The following COPZ2 variants were observed in gnomAD, a reference collection of about 807,000 sequenced individuals.
COPZ2 encodes the protein coat protein complex I subunit zeta 2.
In COPZ2, 30 loss-of-function variants were observed where a neutral mutation model predicts 33.2. The ratio of observed to expected loss-of-function variants is 0.90; its 90% confidence interval spans 0.68 to 1.23. The LOEUF (loss-of-function observed/expected upper bound fraction) is 1.23, where lower values mean the gene tolerates loss of function less well. Ranked by LOEUF, COPZ2 falls within the 50% of genes most tolerant of loss-of-function variation. COPZ2 has a pLI of 0.00. For missense variants in COPZ2, 263 were observed against 262.4 expected, an observed-to-expected ratio of 1.00 and a Z score of -0.02; for synonymous variants, 89 against 102.6, an observed-to-expected ratio of 0.87 and a Z score of 0.80.
In COPZ2 at chr17:48,029,172, T is replaced by A; in HGVS notation, c.499A>T (p.Ile167Phe). Residue 167 changes from isoleucine to phenylalanine, a missense_variant, in exon 7 of 9, where the codon ATT (isoleucine) becomes TTT (phenylalanine). Coordinates refer to ENST00000621465, the MANE Select transcript of COPZ2 (RefSeq NM_016429.4). ...ACTTGCTGGGGGTCACTCTCCAGAA[T>A]CACACTACAAGATGAGAGGAAAAAC... Reference protein sequence around the residue: ...VLDEIVDGGVILESDPQQVIQ... With the variant: ...VLDEIVDGGVFLESDPQQVIQ... 6.4e-7 allele frequency: 1 copy of A among 1,574,748 alleles called. No individual in the cohort carries two copies. Among genetic ancestry groups the A allele is most frequent in the Non-Finnish European group, 8.6e-7 (1 of 1,159,962 alleles).
upstream of COPZ2, chr17:48,037,810 C>A (rs1162817331): frequency 2.0e-6 from 2 of 982,638 alleles, no homozygotes. The surrounding 1 kb of genome is among the most constrained non-coding windows in gnomAD (Gnocchi z 5.6). Flanking sequence ...CAGCGCCGCC[C>A]GCCGCCTGCC....
upstream of COPZ2, among the ~76,000 whole-genome samples, chr17:48,041,071 G>T (rs1177014602): frequency 6.8e-6 from 1 of 147,442 alleles, no homozygotes; most frequent in East Asian, 2.0e-4. Context: ...AGAATCATTT[G>T]CACCCAGGAG....
chr17:48,035,630 C>T (rs1447051394), intron 2 of COPZ2, among the ~76,000 whole-genome samples: 1 of 152,070 alleles, frequency 6.6e-6, no homozygotes, highest in African/African-American at 2.4e-5. Flanking sequence ...TGCCATGTTG[C>T]CCAGGCTGGT....
At chr17:48,043,310 T>C in the COPZ2 span, among the ~76,000 whole-genome samples, 1 of 152,222 alleles carries the variant, frequency 6.6e-6, no homozygotes, top group Non-Finnish European at 1.5e-5. Context: ...GGCCTTGGTA[T>C]AGCTTGAAGG....
the COPZ2 span, among the ~76,000 whole-genome samples, chr17:48,044,403 C>CTTTTTTTTTTT: frequency 2.0e-5 from 2 of 101,778 alleles, no homozygotes; most frequent in Non-Finnish European, 3.8e-5. Flanking sequence ...CAATCTTTTG[C>CTTTTTTTTTTT]TTTTTTTTTT....
chr17:48,026,955 G>T (rs1333698725), intron 8 of COPZ2, among the ~76,000 whole-genome samples: 2 of 152,220 alleles, frequency 1.3e-5, no homozygotes, highest in Non-Finnish European at 2.9e-5. Context: ...CCTGCGGTGG[G>T]ATGCCTGGTG....
chr17:48,044,004 T>C, the COPZ2 span, among the ~76,000 whole-genome samples: 3 of 152,216 alleles, frequency 2.0e-5, no homozygotes, highest in South Asian at 4.1e-4. Context: ...GGCATTTTCA[T>C]TGTAGAGGTG....
Position 48,033,297 on chromosome 17 carries a change from T to C in COPZ2, c.274A>G (p.Ile92Val). The change falls in exon 4 of 9, where the codon ATT (isoleucine) becomes GTT (valine). Residue 92 changes from isoleucine to valine, a missense_variant. Coordinates refer to ENST00000621465, the MANE Select transcript of COPZ2 (RefSeq NM_016429.4). ...FNKTSRTESE[I>V]AFFGGMTIVY... ...ATGGTCATACCCCCAAAAAATGCAA[T>C]CTCACCTAGAAGTGGAGGGAGCTTT... 1 of 1,609,530 alleles carries C rather than the reference T, an allele frequency of 6.2e-7. No individual in the cohort carries two copies. Among genetic ancestry groups the C allele is most frequent in the Non-Finnish European group, 8.5e-7 (1 of 1,176,888 alleles).
At chr17:48,040,834 ATAAT>A (rs1244882819), upstream of COPZ2, among the ~76,000 whole-genome samples, 4 of 152,036 alleles carry the variant, frequency 2.6e-5, no homozygotes, top group Admixed American at 6.6e-5. Context: ...TTAACTAATA[ATAAT>A]TAAAATGTAC....
Position 48,037,284 on chromosome 17 carries a change from C to T in COPZ2, c.112-359G>A, listed in dbSNP as rs747474225. 1 of 523,436 alleles carries T rather than the reference C, an allele frequency of 1.9e-6. No individual in the cohort carries two copies. Among genetic ancestry groups the T allele is most frequent in the Non-Finnish European group, 3.7e-6 (1 of 267,656 alleles). 32.4% of individuals were successfully genotyped at this position (523,436 alleles called of 1,614,324 possible). On this transcript the variant is annotated intron_variant, in intron 1 of 8. Transcript: ENST00000621465. The surrounding 1 kb of genome is among the most constrained non-coding windows in gnomAD (Gnocchi z 5.6). ...CTCCTTCTTCCAGCTGATCCCTGGC[C>T]GGGCTGGACCTGCGCTATCAGCGCG...
intron 4 of COPZ2, 43 bp downstream of exon 4, chr17:48,033,168 C>G (rs1382801462): frequency 3.0e-6 from 4 of 1,320,160 alleles, no homozygotes; most frequent in Middle Eastern, 1.8e-4. Context: ...CAACATTTCC[C>G]CATAGACAGA....
At chr17:48,029,675 T>C (rs2036864289) in intron 6 of COPZ2, among the ~76,000 whole-genome samples, 1 of 151,968 alleles carries the variant, frequency 6.6e-6, no homozygotes, top group Non-Finnish European at 1.5e-5. Flanking sequence ...CTCCCTTTTT[T>C]TTTTTTTTTA....
chr17:48,037,534 G>T lies in COPZ2; in HGVS notation c.111+133C>A. ...GGACGAACTTTTCCTCCCGGGTCCTGGGGCCAGTCAGGGGTGACACAAAGT... is the reference window on the plus strand; with the variant it reads ...GGACGAACTTTTCCTCCCGGGTCCTTGGGCCAGTCAGGGGTGACACAAAGT... On this transcript the variant is annotated intron_variant, in intron 1 of 8. Coordinates refer to ENST00000621465, the MANE Select transcript of COPZ2 (RefSeq NM_016429.4). The surrounding 1 kb of genome is among the most constrained non-coding windows in gnomAD (Gnocchi z 5.6). 1.2e-6 allele frequency: 1 copy of T among 853,254 alleles called. No homozygotes were observed. Among genetic ancestry groups the T allele is most frequent in the Non-Finnish European group, 1.5e-6 (1 of 686,566 alleles). 52.9% of individuals were successfully genotyped at this position (853,254 alleles called of 1,614,324 possible).
At chr17:48,039,638 G>A (rs888990313), upstream of COPZ2, among the ~76,000 whole-genome samples, 6 of 152,128 alleles carry the variant, frequency 3.9e-5, no homozygotes, top group African/African-American at 1.4e-4. Context: ...TGGGATACAG[G>A]CGTGAACCAC....
chr17:48,040,266 T>C (rs568162609), upstream of COPZ2, among the ~76,000 whole-genome samples: 146 of 151,660 alleles, frequency 9.6e-4, no homozygotes, highest in African/African-American at 3.4e-3. Context: ...AAAGGCAGGG[T>C]CTTGCTGTGT....
At chr17:48,040,137 C>CAT (rs2037047745), upstream of COPZ2, among the ~76,000 whole-genome samples, 2 of 79,826 alleles carry the variant, frequency 2.5e-5, no homozygotes, top group African/African-American at 7.2e-5. Flanking sequence ...CACCCACCCA[C>CAT]ACACACACAC....
intron 5 of COPZ2, 85 bp from the exon 6 acceptor site, chr17:48,032,318 A>C: frequency 1.8e-6 from 2 of 1,141,944 alleles, no homozygotes; most frequent in Non-Finnish European, 2.6e-6. Flanking sequence ...CCACTCTCCA[A>C]AGACTGCCTC....
the COPZ2 span, chr17:48,046,022 G>A: frequency 6.6e-6 from 1 of 152,154 alleles, no homozygotes; most frequent in Admixed American, 6.6e-5. Context: ...AAATATCCTG[G>A]GCGCCCACAC....
At chr17:48,032,288 CT>C (rs1446868828) in intron 5 of COPZ2, 55 bp from the exon 6 acceptor site, 172 of 1,494,076 alleles carry the variant, frequency 1.2e-4, no homozygotes, top group Non-Finnish European at 9.9e-5. Context: ...AACTGAGTCC[CT>C]GCCTAGGTGA....
Sources: gnomAD v4.1 joint callset for allele counts (sites outside exome capture counted in the v4.1 genomes callset) on GRCh38, gnomAD v4.1.1 for gene constraint, Gnocchi (gnomAD v3.1) non-coding constraint, MANE v1.5 for transcripts, NCBI Gene and HGNC (gene_info 2026-07-23, HGNC 2026-07-21) for gene names.